The following PTPN12 variants were observed in gnomAD, a reference collection of about 807,000 sequenced individuals.
The protein encoded by PTPN12 is protein tyrosine phosphatase non-receptor type 12.
Under a neutral mutation model 97.6 loss-of-function variants are expected in PTPN12, and 29 were observed. The ratio of observed to expected loss-of-function variants is 0.30; its 90% confidence interval spans 0.22 to 0.41. PTPN12 has a LOEUF of 0.41. PTPN12 is among the 10% of genes least tolerant of loss of function. PTPN12 has a pLI of 1.00. For missense variants in PTPN12, 819 were observed against 926.0 expected, an observed-to-expected ratio of 0.88 and a Z score of 1.50; for synonymous variants, 327 against 300.4, an observed-to-expected ratio of 1.09 and a Z score of -0.91.
intron 1 of PTPN12, among the ~76,000 whole-genome samples, chr7:77,549,865 C>T (rs945531986): frequency 2.0e-5 from 3 of 152,078 alleles, no homozygotes; most frequent in African/African-American, 7.2e-5. Context: ...TAGGTGTGAG[C>T]GACTGTGCCT....
intron 1 of PTPN12, chr7:77,537,976 G>GC: frequency 1.3e-6 from 1 of 798,088 alleles, no homozygotes; most frequent in Middle Eastern, 6.0e-4. Context: ...TGAGGTGCAG[G>GC]CCGGGGGGGG....
chr7:77,540,395 G>A lies in PTPN12; in HGVS notation c.99+2750G>A, dbSNP rs549896729. On this transcript the variant is annotated intron_variant, in intron 1 of 17. Coordinates refer to ENST00000248594, the MANE Select transcript of PTPN12 (RefSeq NM_002835.4). ...TGAGATTACAGGCGCATGCCACCACGCCTGGCTAATTTTTGTATTTTTAGT... is the reference window on the plus strand; with the variant it reads ...TGAGATTACAGGCGCATGCCACCACACCTGGCTAATTTTTGTATTTTTAGT... 8.6e-5 allele frequency among the ~76,000 whole-genome samples: 13 copies of A among 151,846 alleles called. No individual in the cohort carries two copies. The East Asian group carries it at 2.3e-3, about 27-fold the overall frequency.
At chr7:77,602,827 T>C (rs371756621) in intron 8 of PTPN12, among the ~76,000 whole-genome samples, 4 of 152,200 alleles carry the variant, frequency 2.6e-5, no homozygotes, top group East Asian at 3.8e-4. Flanking sequence ...TTCATAAGAC[T>C]GCTATCAATT....
intron 12 of PTPN12, among the ~76,000 whole-genome samples, chr7:77,620,953 T>TA (rs796394466): frequency 1.3e-5 from 2 of 151,296 alleles, no homozygotes; most frequent in Non-Finnish European, 2.9e-5. Context: ...GTCTCAAAAA[T>TA]AAAAAAACAA....
At chr7:77,559,905 T>C (rs1019168314) in intron 1 of PTPN12, among the ~76,000 whole-genome samples, 1 of 152,032 alleles carries the variant, frequency 6.6e-6, no homozygotes, top group African/African-American at 2.4e-5. Flanking sequence ...TTGGTAGTGA[T>C]GGGATAAAAT....
At chr7:77,570,912 T>C (rs1008844824) in intron 1 of PTPN12, among the ~76,000 whole-genome samples, 166 bp from the exon 2 acceptor site, 3 of 152,236 alleles carry the variant, frequency 2.0e-5, no homozygotes, top group African/African-American at 4.8e-5. Context: ...TTTGCACTTA[T>C]GCTATAAAAG....
intron 9 of PTPN12, among the ~76,000 whole-genome samples, chr7:77,609,733 T>A (rs1427168423): frequency 4.0e-5 from 6 of 148,974 alleles, no homozygotes; most frequent in African/African-American, 1.0e-4. Flanking sequence ...ATAAAAAAAA[T>A]CGCCAGGCGT....
At chr7:77,617,067 G>A (rs894935813) in intron 11 of PTPN12, among the ~76,000 whole-genome samples, 3 of 152,180 alleles carry the variant, frequency 2.0e-5, no homozygotes, top group Non-Finnish European at 4.4e-5. Flanking sequence ...ACAGGTGTGA[G>A]CCACTGCGCC....
At chr7:77,622,662 T>C (rs896301889) in intron 12 of PTPN12, among the ~76,000 whole-genome samples, 28 of 139,224 alleles carry the variant, frequency 2.0e-4, no homozygotes, top group African/African-American at 7.1e-4. Context: ...TCCCAGCTAC[T>C]CAGGAGGCTG....
intron 1 of PTPN12, chr7:77,538,094 C>T (rs993505290): frequency 1.0e-6 from 1 of 990,802 alleles, no homozygotes; most frequent in Non-Finnish European, 1.2e-6. Context: ...GACAGAGGAA[C>T]GGGGGTATTG....
intron 13 of PTPN12, among the ~76,000 whole-genome samples, chr7:77,631,761 A>AT (rs1442514130): frequency 2.6e-5 from 4 of 152,366 alleles, no homozygotes; most frequent in Non-Finnish European, 4.4e-5. Flanking sequence ...ATAAATGAAG[A>AT]TTTTTTAAAA....
At position 77,632,369 on chromosome 7, in the gene PTPN12, C is replaced by CAT. The variant is rs1339872875; in HGVS notation, c.2019_2020insTA (p.Pro674TyrfsTer15). 6.2e-7 allele frequency: 1 copy of CAT among 1,608,652 alleles called. No individual in the cohort carries two copies. Among genetic ancestry groups the CAT allele is most frequent in the Non-Finnish European group, 8.5e-7 (1 of 1,175,282 alleles). Reference sequence around the variant, plus strand: ...TTAGATGTTGATGTTAGTGAAGATTCACCTCCTCCCCTACCTGAAAGAACT... The same window carrying CAT: ...TTAGATGTTGATGTTAGTGAAGATTCATACCTCCTCCCCTACCTGAAAGAACT... On this transcript the variant is annotated frameshift_variant, in exon 14 of 18. Coordinates refer to ENST00000248594, the MANE Select transcript of PTPN12 (RefSeq NM_002835.4). LOFTEE classifies it high-confidence loss of function.
Position 77,632,361 on chromosome 7 carries a change from T to C in PTPN12, c.2010T>C (p.Ser670=). 1 of 1,606,026 alleles carries C rather than the reference T, an allele frequency of 6.2e-7. No individual in the cohort carries two copies. The highest frequency in any genetic ancestry group is 8.5e-7 in the Non-Finnish European group (1 of 1,172,752). Residue 670 remains serine (S), a synonymous_variant, in exon 14 of 18, where the codon AGT becomes AGC. Coordinates refer to ENST00000248594, the MANE Select transcript of PTPN12 (RefSeq NM_002835.4). ...HSGAEKDVDV[S]EDSPPPLPER... ...TGTTTAATTTAGATGTTGATGTTAG[T>C]GAAGATTCACCTCCTCCCCTACCTG...
intron 1 of PTPN12, among the ~76,000 whole-genome samples, chr7:77,560,972 G>A (rs1383307096): frequency 2.6e-5 from 4 of 152,188 alleles, no homozygotes; most frequent in African/African-American, 7.2e-5. Context: ...AGGAACCACC[G>A]TACTGTTTCC....
At chr7:77,575,325 ACACG>A (rs72384879) in intron 2 of PTPN12, among the ~76,000 whole-genome samples, 35,612 of 151,226 alleles carry the variant, frequency 0.24, 4,385 homozygotes, top group Non-Finnish European at 0.27. Context: ...CTCAACACAC[ACACG>A]CACGCACGCA....
rs748763106 is a variant in PTPN12 at position 77,626,898 on chromosome 7, A to G, written c.1219A>G (p.Arg407Gly). ...SSEQHSADLNRNYSKSTELPG... is the reference protein window; with the variant it reads ...SSEQHSADLNGNYSKSTELPG... ...AGAACAACATTCAGCAGACCTCAACAGAAACTATAGTAAATCAACAGAACT... is the reference window on the plus strand; with the variant it reads ...AGAACAACATTCAGCAGACCTCAACGGAAACTATAGTAAATCAACAGAACT... Residue 407 changes from arginine (R) to glycine (G), a missense_variant, in exon 13 of 18, where the codon AGA (arginine) becomes GGA (glycine). Arg to Gly is a moderately radical substitution (Grantham distance 125). This residue lies in a region of PTPN12 where 607 missense variants were observed against 577.3 expected (regional missense o/e 1.05). Coordinates refer to ENST00000248594, the MANE Select transcript of PTPN12 (RefSeq NM_002835.4). 1.2e-6 allele frequency: 2 copies of G among 1,611,894 alleles called. No homozygotes were observed. The highest frequency in any genetic ancestry group is 1.7e-6 in the Non-Finnish European group (2 of 1,178,744).
chr7:77,609,788 G>C (rs1788502866), intron 9 of PTPN12, among the ~76,000 whole-genome samples: 1 of 151,904 alleles, frequency 6.6e-6, no homozygotes, highest in Non-Finnish European at 1.5e-5. Context: ...GGCTGAGGCA[G>C]GAGAATGGCG....
intron 9 of PTPN12, among the ~76,000 whole-genome samples, chr7:77,608,918 A>AT (rs560262554): frequency 2.5e-3 from 385 of 152,354 alleles, no homozygotes; most frequent in Middle Eastern, 0.01. Flanking sequence ...ACATTTGGTC[A>AT]TTTTAAAAGT....
At chr7:77,625,474 T>TCGCG (rs761174867) in intron 12 of PTPN12, among the ~76,000 whole-genome samples, 1,894 of 28,928 alleles carry the variant, frequency 0.065, 168 homozygotes, top group East Asian at 0.082. Flanking sequence ...GGCTGCTCGC[T>TCGCG]CTCTCTCTCT....
Sources: allele counts gnomAD v4.1 joint callset (sites outside exome capture counted in the v4.1 genomes callset), GRCh38; gene constraint gnomAD v4.1.1; regional missense constraint gnomAD v4.1.1; transcripts MANE v1.5; gene names NCBI Gene and HGNC (gene_info 2026-07-23, HGNC 2026-07-21).